The following MGRN1 variants were observed in gnomAD, a reference collection of about 807,000 sequenced individuals.
MGRN1 encodes mahogunin ring finger 1.
A neutral mutation model predicts 69.2 loss-of-function variants in MGRN1; 29 were observed. That is an observed-to-expected ratio of 0.42 (90% CI 0.31 to 0.57). The LOEUF is 0.57. Among genes scored for constraint, MGRN1 ranks in the 20% least tolerant of loss-of-function variants. The pLI, the probability that MGRN1 is intolerant of heterozygous loss-of-function variation, is 0.15. For missense variants in MGRN1, 998 were observed against 796.2 expected (o/e 1.25, Z -3.05); for synonymous variants, 470 against 344.2 (o/e 1.37, Z -4.04).
At chr16:4,676,924 C>T (rs964952156) in intron 10 of MGRN1, 1 of 152,558 alleles carries the variant, frequency 6.6e-6, no homozygotes, top group Non-Finnish European at 1.5e-5. Flanking sequence ...GTCTCAGTTT[C>T]CACAGCATGA....
At position 4,624,830 on chromosome 16, in the gene MGRN1, G is replaced by T. The variant is rs575594562; in HGVS notation, c.-131G>T. ...TCCCCGGGCCGAGCCGGGGGTGGGG[G>T]CTCGAGGCGCCTCCGCGGCCGTGGA... On this transcript the variant is annotated 5_prime_UTR_variant, in exon 1 of 17. Transcript: ENST00000262370. 37 of 656,336 alleles carry T rather than the reference G, an allele frequency of 5.6e-5. 1 individual carries two copies. Among genetic ancestry groups the T allele is most frequent in the Middle Eastern group, 4.8e-4 (1 of 2,102 alleles). 40.7% of individuals were successfully genotyped at this position (656,336 alleles called of 1,614,324 possible).
intron 1 of MGRN1, among the ~76,000 whole-genome samples, chr16:4,632,465 C>T (rs147469348): frequency 0.011 from 1,666 of 152,136 alleles, 16 homozygotes; most frequent in Non-Finnish European, 0.018. Context: ...GCAATCTCTG[C>T]TCACTGCAAG....
chr16:4,663,058 C>T (rs936405625), intron 5 of MGRN1, among the ~76,000 whole-genome samples: 1 of 152,124 alleles, frequency 6.6e-6, no homozygotes, highest in Non-Finnish European at 1.5e-5. Context: ...TTTGATGTTT[C>T]ATCCATATTT....
rs1172209425 is a variant in MGRN1, at chr16:4,652,974, C to T, written c.443+150C>T. ...CTTTACCACGATGTGAGGGGTTTCT[C>T]CCACCCCAGGGACTCCCCACTTTTC... On this transcript the variant is annotated intron_variant, in intron 4 of 16. Coordinates refer to ENST00000262370, the MANE Select transcript of MGRN1 (RefSeq NM_015246.4). 5.3e-6 allele frequency: 6 copies of T among 1,121,882 alleles called. No homozygotes were observed. The African/African-American group carries it at 8.0e-5, about 15-fold the overall frequency. 69.5% of individuals were successfully genotyped at this position (1,121,882 alleles called of 1,614,324 possible).
At position 4,681,677 on chromosome 16, in the gene MGRN1, C is replaced by A. The variant is rs768292858; in HGVS notation, c.1259C>A (p.Ser420Ter). The A allele has an allele frequency of 1.2e-6, 2 of 1,613,482 alleles. No homozygotes were observed. The highest frequency in any genetic ancestry group is 2.2e-5 in the South Asian group (2 of 91,080). The part of the protein sequence containing the change: ...LYEEITYSGI[S>*]DGLSQASCPL... The stretch of plus-strand genomic sequence containing the variant: ...GAAGAAATCACCTATTCAGGCATCT[C>A]GGACGGCCTGTCCCAGGCCAGCTGT... The change falls in exon 13 of 17, where the codon TCG becomes TAG. Residue 420 changes from serine to a stop codon, truncating the protein, a stop_gained. Coordinates refer to ENST00000262370, the MANE Select transcript of MGRN1 (RefSeq NM_015246.4). LOFTEE classifies it high-confidence loss of function.
intron 3 of MGRN1, 100 bp downstream of exon 3, chr16:4,652,151 G>A: frequency 1.7e-6 from 2 of 1,205,862 alleles, no homozygotes; most frequent in East Asian, 2.5e-5. Context: ...GGCGGGAGGG[G>A]CCCCAGTTTC....
At chr16:4,657,475 G>C in intron 5 of MGRN1, 112 bp downstream of exon 5, 1 of 1,078,322 alleles carries the variant, frequency 9.3e-7, no homozygotes, top group South Asian at 1.3e-5. Flanking sequence ...GGGTTCATAA[G>C]ACCTGGGAAC....
In MGRN1 at chr16:4,665,131, C is replaced by G. The variant is rs373230459; in HGVS notation, c.658C>G (p.Leu220Val). The change falls in exon 7 of 17, where the codon CTC becomes GTC. Residue 220 changes from leucine (L) to valine (V), a missense_variant. Coordinates refer to ENST00000262370, the MANE Select transcript of MGRN1 (RefSeq NM_015246.4). ...VVEVTGHAHV[L>V]LAAFEKHMDG... ...GGAAGTGACTGGCCACGCCCACGTG[C>G]TCTTGGCTGCCTTTGAAAAGGTAAG... 8 of 1,614,100 alleles carry G rather than the reference C, an allele frequency of 5.0e-6. No individual in the cohort carries two copies. In the African/African-American group the frequency reaches 6.7e-5, roughly 13 times the overall value.
At chr16:4,659,764 T>C (rs1396811896) in intron 5 of MGRN1, among the ~76,000 whole-genome samples, 1 of 152,220 alleles carries the variant, frequency 6.6e-6, no homozygotes, top group Admixed American at 6.5e-5. Context: ...AAACATTTGG[T>C]CTGGTTTAAG....
At chr16:4,626,122 C>T (rs1261523351) in intron 1 of MGRN1, among the ~76,000 whole-genome samples, 1 of 152,222 alleles carries the variant, frequency 6.6e-6, no homozygotes, top group Non-Finnish European at 1.5e-5. Flanking sequence ...TGAAAAACTG[C>T]TCTGCCCAGG....
intron 5 of MGRN1, among the ~76,000 whole-genome samples, chr16:4,658,407 G>A (rs1255205019): frequency 1.3e-5 from 2 of 151,622 alleles, no homozygotes; most frequent in Non-Finnish European, 1.5e-5. Flanking sequence ...GTGGTGGCGG[G>A]CGCCTGTAGT....
intron 1 of MGRN1, among the ~76,000 whole-genome samples, chr16:4,633,418 G>T (rs1304150704): frequency 6.6e-6 from 1 of 151,528 alleles, no homozygotes. Context: ...TTGGCTGGGT[G>T]CCGTGGCTCA....
intron 9 of MGRN1, 47 bp from the exon 10 acceptor site, chr16:4,673,451 C>A (rs373505369): frequency 6.3e-7 from 1 of 1,596,996 alleles, no homozygotes; most frequent in South Asian, 1.1e-5. Context: ...AGGAGCCGTA[C>A]TCTGGCCTTT....
rs575676738 is a variant in MGRN1, at chr16:4,625,212, G to A, written c.88+164G>A. On this transcript the variant is annotated intron_variant, in intron 1 of 16. Transcript: ENST00000262370. ...CCCCACGGCCCCGATCCCTAGGCGTGGCTGGGGGCCCCGGAGGAACCTGCC... is the reference window on the plus strand; with the variant it reads ...CCCCACGGCCCCGATCCCTAGGCGTAGCTGGGGGCCCCGGAGGAACCTGCC... 4.9e-3 allele frequency among the ~76,000 whole-genome samples: 742 copies of A among 152,272 alleles called. 8 individuals carry two copies. Among genetic ancestry groups the A allele is most frequent in the African/African-American group, 0.017 (712 of 41,562 alleles).
Position 4,664,723 on chromosome 16 carries a change from G to C in MGRN1, c.576G>C (p.Leu192=). 6.2e-7 allele frequency: 1 copy of C among 1,614,198 alleles called. No homozygotes were observed. The highest frequency in any genetic ancestry group is 8.5e-7 in the Non-Finnish European group (1 of 1,180,046). The change falls in exon 6 of 17, where the codon CTG becomes CTC. Residue 192 remains leucine (L), a synonymous_variant. Transcript: ENST00000262370. ...EWKDDELNFD[L]DRGVFPVVIQ... ...TCTCTCCTCAGCTGAACTTTGACCT[G>C]GACCGGGGCGTGTTTCCAGTAGTCA...
Position 4,667,616 on chromosome 16 carries a change from G to C in MGRN1, c.679-649G>C, listed in dbSNP as rs182242521. 3.1e-3 allele frequency among the ~76,000 whole-genome samples: 471 copies of C among 152,328 alleles called. 3 individuals are homozygous for C. Among genetic ancestry groups the C allele is most frequent in the African/African-American group, 0.011 (456 of 41,568 alleles). ...TGGAAATTTCTGTTAGAACCCACCA[G>C]CCTCACTGGAAAATTCTGAGTGCTG... On this transcript the variant is annotated intron_variant, in intron 7 of 16. Coordinates refer to ENST00000262370, the MANE Select transcript of MGRN1 (RefSeq NM_015246.4).
intron 16 of MGRN1, among the ~76,000 whole-genome samples, chr16:4,685,349 C>A (rs539897330): frequency 1.1e-4 from 17 of 152,344 alleles, no homozygotes; most frequent in Admixed American, 3.9e-4. Flanking sequence ...AGGATTGGGA[C>A]AGCTACAGAG....
intron 1 of MGRN1, among the ~76,000 whole-genome samples, chr16:4,628,102 T>G (rs1400798285): frequency 2.4e-5 from 3 of 124,946 alleles, no homozygotes; most frequent in East Asian, 2.3e-4. Context: ...AAAAAAGAAT[T>G]GTGGGTGGGT....
intron 1 of MGRN1, among the ~76,000 whole-genome samples, chr16:4,629,456 T>C (rs1794216297): frequency 6.6e-6 from 1 of 152,064 alleles, no homozygotes; most frequent in South Asian, 2.1e-4. Context: ...TAAGAAATCT[T>C]GGGCCCAGGC....
Sources: allele counts gnomAD v4.1 joint callset (sites outside exome capture counted in the v4.1 genomes callset), GRCh38; gene constraint gnomAD v4.1.1; transcripts MANE v1.5; gene names NCBI Gene and HGNC (gene_info 2026-07-23, HGNC 2026-07-21).